Variants in PELI1 observed in about 807,000 individuals in gnomAD.
PELI1 encodes E3 ubiquitin-protein ligase pellino homolog 1.
PELI1 carries 15 observed loss-of-function variants against 41.3 expected under a neutral mutation model. That is an observed-to-expected ratio of 0.36 (90% CI 0.24 to 0.56). PELI1 has a LOEUF of 0.56. PELI1 is among the 20% of genes least tolerant of loss of function. The pLI is 0.82. For missense variants in PELI1, 403 were observed against 525.5 expected (o/e 0.77, Z 2.28); for synonymous variants, 178 against 180.1 (o/e 0.99, Z 0.09).
chr2:64,128,542 C>T (rs958021915), intron 1 of PELI1, among the ~76,000 whole-genome samples: 2 of 152,032 alleles, frequency 1.3e-5, no homozygotes, highest in African/African-American at 4.8e-5. Flanking sequence ...CTTACAGTAG[C>T]CCAAAAATCC....
intron 2 of PELI1, among the ~76,000 whole-genome samples, chr2:64,105,635 C>T (rs974686420): frequency 1.3e-5 from 2 of 152,148 alleles, no homozygotes; most frequent in African/African-American, 4.8e-5. Context: ...CATTTTTGTA[C>T]ATTAGGAAAC....
At chr2:64,118,353 C>T (rs1681073069) in intron 1 of PELI1, among the ~76,000 whole-genome samples, 1 of 152,188 alleles carries the variant, frequency 6.6e-6, no homozygotes, top group Admixed American at 6.5e-5. Flanking sequence ...CCATTTTATA[C>T]CTACACAAGA....
At chr2:64,100,545 C>T (rs763540244) in intron 3 of PELI1, 46 bp from the exon 4 acceptor site, 1 of 869,430 alleles carries the variant, frequency 1.2e-6, no homozygotes, top group Non-Finnish European at 2.0e-6. Context: ...GCAGGTCAAT[C>T]CAATCAGATA....
chr2:64,114,792 T>C (rs1680935904), intron 1 of PELI1, among the ~76,000 whole-genome samples: 1 of 152,176 alleles, frequency 6.6e-6, no homozygotes, highest in Non-Finnish European at 1.5e-5. Context: ...AGTAGAACAT[T>C]CTAGTTGTGA....
intron 1 of PELI1, among the ~76,000 whole-genome samples, chr2:64,138,520 A>G (rs1681791870): frequency 6.6e-6 from 1 of 152,112 alleles, no homozygotes; most frequent in South Asian, 2.1e-4. Flanking sequence ...TGAGGTCAGG[A>G]GTTTCAGACC....
At chr2:64,117,849 G>A (rs952319671) in intron 1 of PELI1, among the ~76,000 whole-genome samples, 1 of 149,842 alleles carries the variant, frequency 6.7e-6, no homozygotes, top group Non-Finnish European at 1.5e-5. Flanking sequence ...TTGCTCTGTT[G>A]CCCAGGCTGG....
chr2:64,104,563 A>G (rs1680555599), intron 3 of PELI1, 138 bp downstream of exon 3: 1 of 1,306,774 alleles, frequency 7.7e-7, no homozygotes, highest in Admixed American at 3.0e-5. Flanking sequence ...CCATGTCTCC[A>G]AAGTCTCTTC....
chr2:64,139,474 T>G (rs911011322), intron 1 of PELI1, among the ~76,000 whole-genome samples: 1 of 151,898 alleles, frequency 6.6e-6, no homozygotes, highest in Non-Finnish European at 1.5e-5. Context: ...AGAAACTTCT[T>G]TGTAGAGACA....
At chr2:64,120,379 T>C (rs1360706514) in intron 1 of PELI1, among the ~76,000 whole-genome samples, 3 of 152,250 alleles carry the variant, frequency 2.0e-5, no homozygotes, top group African/African-American at 7.2e-5. Context: ...CCTGATTAAT[T>C]ACATTTAAGA....
chr2:64,121,180 G>A (rs956524796), intron 1 of PELI1, among the ~76,000 whole-genome samples: 4 of 152,282 alleles, frequency 2.6e-5, no homozygotes, highest in Admixed American at 6.5e-5. Flanking sequence ...AAAAATGATC[G>A]GGGCATATTC....
chr2:64,122,115 C>CAA (rs1376873343), intron 1 of PELI1, among the ~76,000 whole-genome samples: 1 of 151,556 alleles, frequency 6.6e-6, no homozygotes, highest in East Asian at 1.9e-4. Context: ...CAGTCAAATA[C>CAA]AAAAACAAAA....
At chr2:64,141,524 T>C (rs41438647) in intron 1 of PELI1, among the ~76,000 whole-genome samples, 3,468 of 152,256 alleles carry the variant, frequency 0.023, 113 homozygotes, top group African/African-American at 0.077. Flanking sequence ...AAAATCTTTA[T>C]CAGCTATAGA....
chr2:64,133,983 A>G (rs13386653), intron 1 of PELI1, among the ~76,000 whole-genome samples: 2,440 of 152,202 alleles, frequency 0.016, 62 homozygotes, highest in African/African-American at 0.055. Flanking sequence ...TACTTCATGT[A>G]GAGTTTTTCC....
intron 1 of PELI1, among the ~76,000 whole-genome samples, chr2:64,114,772 C>T (rs1680935171): frequency 6.6e-6 from 1 of 152,120 alleles, no homozygotes; most frequent in Non-Finnish European, 1.5e-5. Context: ...TTCTGTTCTA[C>T]CTAGATGCCA....
In PELI1 at chr2:64,128,643, A is replaced by T. The variant is rs139511380; in HGVS notation, c.-70+15438T>A. Among the ~76,000 whole-genome samples the T allele has an allele frequency of 3.9e-4, 59 of 152,260 alleles. No homozygotes were observed. In the East Asian group the frequency reaches 0.01, roughly 26 times the overall value. On this transcript the variant is annotated intron_variant, in intron 1 of 6. Transcript: ENST00000358912. The stretch of plus-strand genomic sequence containing the variant: ...TTTAAAAAATTCTTATTTTGCTTCT[A>T]CTGTTATCTTTGTCCTAATTATGCC...
chr2:64,125,893 T>C (rs1681367516), intron 1 of PELI1, among the ~76,000 whole-genome samples: 2 of 152,196 alleles, frequency 1.3e-5, no homozygotes, highest in South Asian at 4.1e-4. Context: ...ATAAAAATAT[T>C]GTATAAAATT....
chr2:64,127,036 C>T (rs1030470308), intron 1 of PELI1, among the ~76,000 whole-genome samples: 2 of 152,122 alleles, frequency 1.3e-5, no homozygotes, highest in African/African-American at 4.8e-5. Context: ...ATTATTAACT[C>T]CTCTTTACAT....
chr2:64,129,250 G>A (rs1681480077), intron 1 of PELI1, among the ~76,000 whole-genome samples: 1 of 152,074 alleles, frequency 6.6e-6, no homozygotes. Flanking sequence ...TGTGGGTGGA[G>A]GAAAGAAACC....
intron 1 of PELI1, among the ~76,000 whole-genome samples, chr2:64,142,672 A>G (rs1681951190): frequency 6.6e-6 from 1 of 152,222 alleles, no homozygotes; most frequent in African/African-American, 2.4e-5. Context: ...TCACTCAGAA[A>G]ATATTTTGTT....
Sources: gnomAD v4.1 joint callset for allele counts (sites outside exome capture counted in the v4.1 genomes callset) on GRCh38, gnomAD v4.1.1 for gene constraint, MANE v1.5 for transcripts, NCBI Gene and HGNC (gene_info 2026-07-23, HGNC 2026-07-21) for gene names.